Variants in PRR5L observed in about 807,000 individuals in gnomAD.
The protein encoded by PRR5L is proline rich 5 like.
PRR5L carries 21 observed loss-of-function variants against 36.4 expected under a neutral mutation model. The observed-to-expected ratio is 0.58, with a 90% CI of 0.41 to 0.83. The LOEUF (loss-of-function observed/expected upper bound fraction) is 0.83. Among genes scored for constraint, PRR5L ranks in the 40% least tolerant of loss-of-function variants. The probability of loss-of-function intolerance (pLI) is 0.00; values close to 1 mark genes in which losing one functional copy is unlikely to be tolerated. For missense variants in PRR5L, 381 were observed against 473.3 expected (o/e 0.80, Z 1.81); for synonymous variants, 188 against 197.0 (o/e 0.95, Z 0.38).
chr11:36,384,774 G>A (rs1485289908), intron 1 of PRR5L, among the ~76,000 whole-genome samples: 1 of 151,844 alleles, frequency 6.6e-6, no homozygotes, highest in Non-Finnish European at 1.5e-5. Context: ...CTGGGCTCAA[G>A]GGATCCTCCT....
At chr11:36,325,046 C>T (rs1437114373) in intron 1 of PRR5L, among the ~76,000 whole-genome samples, 3 of 152,182 alleles carry the variant, frequency 2.0e-5, no homozygotes, top group Non-Finnish European at 2.9e-5. Flanking sequence ...GGCGGCAGGT[C>T]GCTTCCAACA....
chr11:36,397,867 A>C (rs1251820925), intron 1 of PRR5L, among the ~76,000 whole-genome samples: 1 of 148,906 alleles, frequency 6.7e-6, no homozygotes, highest in Non-Finnish European at 1.5e-5. Flanking sequence ...ACGATCTCGG[A>C]TCACCGCAAC....
chr11:36,403,447 C>A, intron 3 of PRR5L, 69 bp downstream of exon 3: 2 of 1,151,264 alleles, frequency 1.7e-6, no homozygotes, highest in South Asian at 1.3e-5. Flanking sequence ...GGGCTACCGC[C>A]TTAGGAGCCT....
intron 1 of PRR5L, among the ~76,000 whole-genome samples, chr11:36,356,519 G>A (rs1316892237): frequency 1.3e-5 from 2 of 152,148 alleles, no homozygotes; most frequent in Non-Finnish European, 2.9e-5. Context: ...TTTACTGATT[G>A]AATGTTGTGG....
At chr11:36,309,805 A>G (rs1489079343) in intron 1 of PRR5L, among the ~76,000 whole-genome samples, 2 of 152,086 alleles carry the variant, frequency 1.3e-5, no homozygotes, top group African/African-American at 4.8e-5. Context: ...AAAGGGATGA[A>G]GAGACTCATC....
intron 1 of PRR5L, among the ~76,000 whole-genome samples, chr11:36,330,790 G>A (rs888128149): frequency 2.6e-5 from 4 of 152,140 alleles, no homozygotes; most frequent in African/African-American, 7.2e-5. Context: ...CGGACAGCAA[G>A]GACATTGACA....
chr11:36,401,725 A>T (rs1193996519), intron 2 of PRR5L, among the ~76,000 whole-genome samples: 1 of 152,184 alleles, frequency 6.6e-6, no homozygotes, highest in Non-Finnish European at 1.5e-5. Flanking sequence ...GAGCTACTGC[A>T]CCTGGCCAAG....
At chr11:36,385,937 G>C (rs1218609175) in intron 1 of PRR5L, among the ~76,000 whole-genome samples, 1 of 152,190 alleles carries the variant, frequency 6.6e-6, no homozygotes, top group Admixed American at 6.5e-5. Context: ...AAATTATTCT[G>C]ATCTCTCAGA....
chr11:36,456,471 A>G (rs905377109), intron 8 of PRR5L, among the ~76,000 whole-genome samples: 1 of 152,250 alleles, frequency 6.6e-6, no homozygotes, highest in African/African-American at 2.4e-5. Flanking sequence ...AGCACAGCCC[A>G]TCTGAAATAG....
rs1421926006 is a variant in PRR5L at position 36,351,456 on chromosome 11, T to TA, written c.-125-49541_-125-49540insA. 1.6e-3 allele frequency among the ~76,000 whole-genome samples: 47 copies of TA among 28,894 alleles called. 5 individuals carry two copies. The highest frequency in any genetic ancestry group is 5.5e-3 in the Admixed American group (9 of 1,638). The allele number at this position is 28,894 out of a possible 152,430, so 19.0% of individuals were successfully genotyped here. A position where few individuals can be genotyped will look rare whatever the true frequency, so the allele number is the denominator to read the frequency against. On this transcript the variant is annotated intron_variant, in intron 1 of 8. Coordinates refer to ENST00000530639, the MANE Select transcript of PRR5L (RefSeq NM_001160167.2). ...TTATATATACATATATATTTATATA[T>TA]TTATATATTTATATATACATATATA...
intron 1 of PRR5L, among the ~76,000 whole-genome samples, chr11:36,392,930 T>G (rs1345694746): frequency 1.3e-5 from 2 of 152,220 alleles, no homozygotes; most frequent in Admixed American, 6.5e-5. Context: ...CCACATCAAA[T>G]GATGTTGCAC....
At chr11:36,330,996 G>A (rs1033339389) in intron 1 of PRR5L, among the ~76,000 whole-genome samples, 6 of 152,008 alleles carry the variant, frequency 3.9e-5, no homozygotes, top group African/African-American at 1.4e-4. Context: ...AGTAGAGATG[G>A]GGTTACACCA....
At chr11:36,359,862 C>A (rs1857066524) in intron 1 of PRR5L, among the ~76,000 whole-genome samples, 1 of 152,134 alleles carries the variant, frequency 6.6e-6, no homozygotes, top group Non-Finnish European at 1.5e-5. Context: ...CAGGGCAAAA[C>A]CCCATCTCTA....
intron 8 of PRR5L, among the ~76,000 whole-genome samples, chr11:36,451,792 T>C (rs1048907006): frequency 6.6e-6 from 1 of 152,216 alleles, no homozygotes; most frequent in Non-Finnish European, 1.5e-5. Context: ...ATCGAGTTGC[T>C]GTCTCCCACT....
At chr11:36,371,631 T>C (rs1304685560) in intron 1 of PRR5L, among the ~76,000 whole-genome samples, 4 of 152,232 alleles carry the variant, frequency 2.6e-5, no homozygotes, top group African/African-American at 9.6e-5. Flanking sequence ...ATATATGTTT[T>C]TCTTCATTGG....
intron 1 of PRR5L, among the ~76,000 whole-genome samples, chr11:36,392,708 G>A (rs1016391077): frequency 6.6e-6 from 1 of 151,286 alleles, no homozygotes; most frequent in East Asian, 2.0e-4. Flanking sequence ...GAAGGCAAAG[G>A]GAAAGCATAG....
intron 1 of PRR5L, among the ~76,000 whole-genome samples, chr11:36,380,943 G>A (rs905464949): frequency 2.0e-5 from 3 of 152,164 alleles, no homozygotes; most frequent in Admixed American, 1.3e-4. Flanking sequence ...CCATCTGACC[G>A]TGGCCTACGG....
At chr11:36,450,407 A>T (rs376638289) in intron 7 of PRR5L, among the ~76,000 whole-genome samples, 1 of 152,140 alleles carries the variant, frequency 6.6e-6, no homozygotes, top group Non-Finnish European at 1.5e-5. Context: ...ACATGACAGC[A>T]TGTTTGAGTC....
intron 3 of PRR5L, among the ~76,000 whole-genome samples, chr11:36,416,885 C>T (rs184003362): frequency 9.1e-4 from 138 of 152,242 alleles, no homozygotes; most frequent in Non-Finnish European, 1.3e-3. Flanking sequence ...TTCTGCATCC[C>T]GCTGTGAGAT....
Sources: allele counts gnomAD v4.1 joint callset (sites outside exome capture counted in the v4.1 genomes callset), GRCh38; gene constraint gnomAD v4.1.1; transcripts MANE v1.5; gene names NCBI Gene and HGNC (gene_info 2026-07-23, HGNC 2026-07-21).